The following NF1 variants were observed in gnomAD, a reference collection of about 807,000 sequenced individuals.
The protein encoded by NF1 is neurofibromin.
In NF1, 122 loss-of-function variants were observed where a neutral mutation model predicts 325.7. That is an observed-to-expected ratio of 0.37 (90% CI 0.32 to 0.44). The LOEUF is 0.44. Among genes scored for constraint, NF1 ranks in the 20% least tolerant of loss-of-function variants. The pLI is 1.00. For missense variants in NF1, 2,140 were observed against 3,415.4 expected (o/e 0.63, Z 9.31); for synonymous variants, 1,091 against 1,186.0 (o/e 0.92, Z 1.65).
intron 2 of NF1, among the ~76,000 whole-genome samples, chr17:31,157,309 G>A (rs998071742): frequency 6.6e-6 from 1 of 152,052 alleles, no homozygotes; most frequent in Admixed American, 6.6e-5. Flanking sequence ...ATCCCAGTTT[G>A]TATTTGTTTG....
In NF1 at chr17:31,095,290, C is replaced by A. The variant is rs970477660; in HGVS notation, c.-20C>A. The A allele has an allele frequency of 6.5e-7, 1 of 1,535,796 alleles. No individual in the cohort carries two copies. Among genetic ancestry groups the A allele is most frequent in the East Asian group, 2.4e-5 (1 of 40,852 alleles). On this transcript the variant is annotated 5_prime_UTR_variant, in exon 1 of 58. Transcript: ENST00000358273. ...GCCGGCCCACCCTTCCCTCCGCCGC[C>A]CCCCGGCCGCGGGGAGGACATGGCC...
rs1555614336 is a variant in NF1, at chr17:31,229,375, G to A, written c.2760G>A (p.Leu920=). Residue 920 remains leucine, a synonymous_variant, in exon 21 of 58, where the codon CTG becomes CTA. Coordinates refer to ENST00000358273, the MANE Select transcript of NF1 (RefSeq NM_001042492.3). Reference sequence around the variant, plus strand: ...AAATACGGACCAATGTTAAGGATCTGGTGGGTCTAGAATTGAGTCCTGCTC... The same window carrying A: ...AAATACGGACCAATGTTAAGGATCTAGTGGGTCTAGAATTGAGTCCTGCTC... The part of the protein sequence containing the change: ...GLQIRTNVKD[L]VGLELSPALY... 1.2e-6 allele frequency: 2 copies of A among 1,613,884 alleles called. No homozygotes were observed. The highest frequency in any genetic ancestry group is 8.5e-7 in the Non-Finnish European group (1 of 1,179,822).
chr17:31,179,527 G>A (rs948439018), intron 5 of NF1, among the ~76,000 whole-genome samples: 5 of 152,092 alleles, frequency 3.3e-5, no homozygotes, highest in African/African-American at 1.2e-4. Flanking sequence ...AGAACTGAAG[G>A]AGATAGAGAC....
intron 29 of NF1, among the ~76,000 whole-genome samples, chr17:31,238,116 T>C (rs2067234250): frequency 6.6e-6 from 1 of 152,182 alleles, no homozygotes; most frequent in Non-Finnish European, 1.5e-5. Context: ...TAGATCATAA[T>C]TGACGAGTTG....
At chr17:31,256,431 G>C (rs545367645) in intron 31 of NF1, among the ~76,000 whole-genome samples, 1 of 152,176 alleles carries the variant, frequency 6.6e-6, no homozygotes. Context: ...GAGCCACCAC[G>C]CCCAGCCAGA....
At chr17:31,249,428 T>G (rs2067456697) in intron 30 of NF1, among the ~76,000 whole-genome samples, 1 of 152,220 alleles carries the variant, frequency 6.6e-6, no homozygotes, top group Non-Finnish European at 1.5e-5. Context: ...GGATTTTTGT[T>G]GTTGTCATCT....
In NF1 at chr17:31,098,404, G is replaced by T. The variant is rs180726359; in HGVS notation, c.60+3035G>T. 1.9e-4 allele frequency among the ~76,000 whole-genome samples: 29 copies of T among 151,818 alleles called. No individual in the cohort carries two copies. In the East Asian group the frequency reaches 3.3e-3, roughly 17 times the overall value. On this transcript the variant is annotated intron_variant, in intron 1 of 57. Transcript: ENST00000358273. ...TTTGAGACGGAGTTTCATGATTCTT[G>T]CCTAGGCTGGAGTGCAATGATGCGA...
chr17:31,226,727 G>A (rs1438127648), intron 18 of NF1, 43 bp downstream of exon 18: 4 of 1,611,158 alleles, frequency 2.5e-6, no homozygotes, highest in African/African-American at 1.3e-5. Flanking sequence ...CTGCCTCAAA[G>A]CACATGGCAT....
At chr17:31,098,098 T>C (rs1911932584) in intron 1 of NF1, among the ~76,000 whole-genome samples, 1 of 147,958 alleles carries the variant, frequency 6.8e-6, no homozygotes, top group South Asian at 2.1e-4. Flanking sequence ...AAGGTACTTA[T>C]ATATATTATA....
At position 31,217,496 on chromosome 17, in the gene NF1, G is replaced by A. The variant is rs151016817; in HGVS notation, c.1528-1509G>A. Reference sequence around the variant, plus strand: ...CGGCTTGTACTTTTAGGAGAGATGGGGTTTCTTCATGTTGGCCAGGCTAGT... The same window carrying A: ...CGGCTTGTACTTTTAGGAGAGATGGAGTTTCTTCATGTTGGCCAGGCTAGT... On this transcript the variant is annotated intron_variant, in intron 13 of 57. Transcript: ENST00000358273. Among the ~76,000 whole-genome samples the A allele has an allele frequency of 4.7e-3, 707 of 151,524 alleles. 6 individuals are homozygous for A. Among genetic ancestry groups the A allele is most frequent in the Non-Finnish European group, 7.5e-3 (506 of 67,840 alleles).
At chr17:31,118,622 A>G (rs1914160732) in intron 1 of NF1, among the ~76,000 whole-genome samples, 1 of 152,108 alleles carries the variant, frequency 6.6e-6, no homozygotes, top group Non-Finnish European at 1.5e-5. Context: ...ACATGAACTC[A>G]TCCTTTTTTA....
intron 57 of NF1, among the ~76,000 whole-genome samples, chr17:31,368,974 A>G (rs982627810): frequency 6.6e-6 from 1 of 152,236 alleles, no homozygotes; most frequent in African/African-American, 2.4e-5. Flanking sequence ...GTGCTCCTGC[A>G]CAGGTGGCAG....
chr17:31,310,276 C>T (rs1049034702), intron 36 of NF1, among the ~76,000 whole-genome samples: 3 of 151,590 alleles, frequency 2.0e-5, no homozygotes, highest in African/African-American at 4.8e-5. Context: ...AAAACAAAAA[C>T]TCTAGGAAGC....
At chr17:31,290,749 T>C (rs1333307390) in intron 36 of NF1, among the ~76,000 whole-genome samples, 1 of 152,188 alleles carries the variant, frequency 6.6e-6, no homozygotes, top group African/African-American at 2.4e-5. Context: ...CTCACGCCTG[T>C]AATCCCAGCA....
rs2069664776 is a variant in NF1 at position 31,336,219 on chromosome 17, G to A, written c.6007-114G>A. On this transcript the variant is annotated intron_variant, in intron 40 of 57. Transcript: ENST00000358273. This position sits in a 1 kb window ranked among gnomAD's most constrained non-coding sequence, Gnocchi z 5.5. ...GTAAATAAAATCTAGTATTTTTGAGGCCTCAGGTAAAATAGAATTTTCATA... is the reference window on the plus strand; with the variant it reads ...GTAAATAAAATCTAGTATTTTTGAGACCTCAGGTAAAATAGAATTTTCATA... 3.5e-5 allele frequency: 37 copies of A among 1,071,398 alleles called. 1 individual carries two copies. In the South Asian group the frequency reaches 5.1e-4, roughly 15 times the overall value. 66.4% of individuals were successfully genotyped at this position (1,071,398 alleles called of 1,614,324 possible). A position where few individuals can be genotyped will look rare whatever the true frequency, so the allele number is the denominator to read the frequency against.
chr17:31,349,011 T>C lies in NF1; in HGVS notation c.7190-109T>C, dbSNP rs1282241240. On this transcript the variant is annotated intron_variant, in intron 48 of 57. Transcript: ENST00000358273. ...GGCTATTCTTGGAAAGTAGGAGTTA[T>C]ATTTCCTTTCCTTGCAGAGTTGTTA... is the stretch of plus-strand genomic sequence containing the variant. The C allele has an allele frequency of 1.8e-5, 25 of 1,374,716 alleles. No individual in the cohort carries two copies. In the South Asian group the frequency reaches 2.6e-4, roughly 14 times the overall value. 85.2% of individuals were successfully genotyped at this position (1,374,716 alleles called of 1,614,324 possible). A position where few individuals can be genotyped will look rare whatever the true frequency, so the allele number is the denominator to read the frequency against.
intron 8 of NF1, 65 bp downstream of exon 8, chr17:31,182,730 G>A (rs1282258335): frequency 1.1e-4 from 155 of 1,453,500 alleles, no homozygotes; most frequent in Non-Finnish European, 1.5e-4. Context: ...CTCAAGGTGT[G>A]TATTACTTTA....
Position 31,318,313 on chromosome 17 carries a change from T to C in NF1, c.4836-7507T>C, listed in dbSNP as rs1046380432. ...TTGCATTTTTCTTCACTAACCTATC[T>C]GTTTGTTAGTAAGTTTTTCAGTTCC... On this transcript the variant is annotated intron_variant, in intron 36 of 57. Transcript: ENST00000358273. 3.1e-6 allele frequency: 5 copies of C among 1,606,518 alleles called. 1 individual carries two copies. The Admixed American group carries it at 6.9e-5, about 22-fold the overall frequency.
intron 36 of NF1, among the ~76,000 whole-genome samples, chr17:31,313,827 G>C (rs1260765894): frequency 2.0e-5 from 3 of 151,734 alleles, no homozygotes; most frequent in African/African-American, 7.3e-5. Context: ...AAGCTGAACT[G>C]AGTATTTTTT....
Sources: gnomAD v4.1 joint callset for allele counts (sites outside exome capture counted in the v4.1 genomes callset) on GRCh38, gnomAD v4.1.1 for gene constraint, Gnocchi (gnomAD v3.1) non-coding constraint, MANE v1.5 for transcripts, NCBI Gene and HGNC (gene_info 2026-07-23, HGNC 2026-07-21) for gene names.